RB1: variants seen among roughly 807,000 people sequenced by gnomAD.
The protein encoded by RB1 is RB transcriptional corepressor 1, also known as retinoblastoma-associated protein.
Under a neutral mutation model 135.4 loss-of-function variants are expected in RB1, and 18 were observed. The observed-to-expected ratio is 0.13, with a 90% confidence interval of 0.09 to 0.20. RB1 has a LOEUF of 0.20. RB1 is among the 10% of genes least tolerant of loss of function. RB1 has a pLI of 1.00. For missense variants in RB1, 868 were observed against 1,110.0 expected (o/e 0.78, Z 3.10); for synonymous variants, 365 against 373.2 (o/e 0.98, Z 0.25).
At chr13:48,443,336 A>G (rs542218782) in intron 17 of RB1, among the ~76,000 whole-genome samples, 3 of 152,048 alleles carry the variant, frequency 2.0e-5, no homozygotes, top group Non-Finnish European at 4.4e-5. Context: ...ATTTAATTCT[A>G]GGAAGCTTCT....
intron 26 of RB1, among the ~76,000 whole-genome samples, chr13:48,477,613 A>G (rs1237295703): frequency 6.6e-6 from 1 of 152,178 alleles, no homozygotes; most frequent in African/African-American, 2.4e-5. Flanking sequence ...CCTTTCTATG[A>G]TCTTTCATGC....
rs542783532 is a variant in RB1, at chr13:48,453,061, T to A, written c.1764T>A (p.Ser588=). 5.5e-5 allele frequency: 88 copies of A among 1,613,316 alleles called. 1 individual carries two copies. The South Asian group carries it at 9.2e-4, about 17-fold the overall frequency. The change falls in exon 18 of 27, where the codon TCT becomes TCA. Residue 588 remains serine (S), a synonymous_variant. Coordinates refer to ENST00000267163, the MANE Select transcript of RB1 (RefSeq NM_000321.3). Reference sequence around the variant, plus strand: ...AAGGACCAACTGATCACCTTGAATCTGCTTGTCCTCTTAATCTTCCTCTCC... The same window carrying A: ...AAGGACCAACTGATCACCTTGAATCAGCTTGTCCTCTTAATCTTCCTCTCC... ...DREGPTDHLE[S]ACPLNLPLQN...
At chr13:48,384,018 G>T (rs878889996) in intron 17 of RB1, among the ~76,000 whole-genome samples, 1 of 152,044 alleles carries the variant, frequency 6.6e-6, no homozygotes, top group Admixed American at 6.6e-5. Context: ...AATTGTGGAG[G>T]ATGTAATAGA....
chr13:48,318,456 T>G (rs893266581), intron 2 of RB1: 51 of 1,406,848 alleles, frequency 3.6e-5, no homozygotes, highest in Non-Finnish European at 4.5e-5. Context: ...GGAGCTCTCC[T>G]TCTCGTCCAG....
intron 4 of RB1, among the ~76,000 whole-genome samples, chr13:48,345,845 C>T (rs1036242073): frequency 2.0e-5 from 3 of 151,984 alleles, no homozygotes; most frequent in Non-Finnish European, 4.4e-5. Context: ...TGTGTAATAG[C>T]ATGGTAAAGG....
chr13:48,353,072 T>G (rs1952562021), intron 6 of RB1, among the ~76,000 whole-genome samples: 1 of 151,496 alleles, frequency 6.6e-6, no homozygotes, highest in Non-Finnish European at 1.5e-5. Context: ...TAAGAGCAAA[T>G]CAAACCCAAA....
intron 12 of RB1, 72 bp downstream of exon 12, chr13:48,373,564 TGA>T (rs1206324491): frequency 1.0e-6 from 1 of 976,398 alleles, no homozygotes; most frequent in African/African-American, 1.6e-5. Context: ...GTTAAAGTAC[TGA>T]GTTCTTTTTA....
At chr13:48,370,473 A>G (rs1030784406) in intron 11 of RB1, among the ~76,000 whole-genome samples, 1 of 152,220 alleles carries the variant, frequency 6.6e-6, no homozygotes, top group African/African-American at 2.4e-5. Context: ...TTCTGACCAA[A>G]GGGCTTCAAG....
chr13:48,473,489 A>G (rs1057049210), intron 24 of RB1, 99 bp downstream of exon 24: 3 of 1,007,466 alleles, frequency 3.0e-6, no homozygotes, highest in South Asian at 1.3e-5. Flanking sequence ...AGTTATTCAA[A>G]CACCTCATCC....
intron 17 of RB1, chr13:48,406,466 CTTG>C (rs1021355026): frequency 1.3e-5 from 2 of 152,062 alleles, no homozygotes; most frequent in Non-Finnish European, 2.9e-5. Flanking sequence ...AAATATAGTT[CTTG>C]TTGTGATTAT....
At chr13:48,422,184 G>T (rs558806547) in intron 17 of RB1, among the ~76,000 whole-genome samples, 2 of 152,316 alleles carry the variant, frequency 1.3e-5, no homozygotes, top group African/African-American at 4.8e-5. Flanking sequence ...ATACTATGCA[G>T]CCATGAACAA....
intron 17 of RB1, chr13:48,412,512 A>G: frequency 1.2e-6 from 1 of 842,554 alleles, no homozygotes; most frequent in Non-Finnish European, 2.1e-6. Context: ...TATAACCTCC[A>G]ATTTATTTGC....
chr13:48,463,535 G>C (rs899215762), intron 20 of RB1, among the ~76,000 whole-genome samples, 196 bp from the exon 21 acceptor site: 1 of 152,172 alleles, frequency 6.6e-6, no homozygotes. Flanking sequence ...GAGCCTTGGT[G>C]ATTTGCATTT....
At chr13:48,439,514 CACA>C (rs1391297672) in intron 17 of RB1, 2 of 152,118 alleles carry the variant, frequency 1.3e-5, no homozygotes, top group Admixed American at 6.6e-5. Context: ...CACCAGTCCA[CACA>C]ACATTTTTGC....
At chr13:48,476,550 A>AAT (rs1949504960) in intron 24 of RB1, 151 bp from the exon 25 acceptor site, 1 of 745,102 alleles carries the variant, frequency 1.3e-6, no homozygotes, top group Non-Finnish European at 2.2e-6. Flanking sequence ...TAGATTTTTC[A>AAT]TATCTTTTAT....
chr13:48,361,267 C>T (rs1380346242), intron 7 of RB1, among the ~76,000 whole-genome samples: 1 of 152,170 alleles, frequency 6.6e-6, no homozygotes, highest in Middle Eastern at 3.4e-3. Context: ...TGTGAATTCT[C>T]TAAGTGCTCT....
At chr13:48,357,044 C>A (rs1171391161) in intron 6 of RB1, among the ~76,000 whole-genome samples, 1 of 151,446 alleles carries the variant, frequency 6.6e-6, no homozygotes. Flanking sequence ...AGGTTTAATA[C>A]CTTAAACAGG....
At position 48,463,883 on chromosome 13, in the gene RB1, A is replaced by G. The variant is rs780691447; in HGVS notation, c.2211+48A>G. The G allele has an allele frequency of 8.2e-6, 9 of 1,091,804 alleles. No individual in the cohort carries two copies. In the African/African-American group the frequency reaches 1.1e-4, roughly 13 times the overall value. 67.6% of individuals were successfully genotyped at this position (1,091,804 alleles called of 1,614,324 possible). On this transcript the variant is annotated intron_variant, in intron 21 of 26. Coordinates refer to ENST00000267163, the MANE Select transcript of RB1 (RefSeq NM_000321.3). Reference sequence around the variant, plus strand: ...TTTTTTTGATAAATCCATATCCATAACATAACATAGGTAATTCATTTGATC... The same window carrying G: ...TTTTTTTGATAAATCCATATCCATAGCATAACATAGGTAATTCATTTGATC...
intron 2 of RB1, among the ~76,000 whole-genome samples, chr13:48,340,209 G>A (rs1486934817): frequency 1.3e-5 from 2 of 152,088 alleles, no homozygotes; most frequent in African/African-American, 4.8e-5. Context: ...GTCTTAATGA[G>A]CTTGGGTTAG....
Sources: gnomAD v4.1 joint callset for allele counts (sites outside exome capture counted in the v4.1 genomes callset) on GRCh38, gnomAD v4.1.1 for gene constraint, MANE v1.5 for transcripts, NCBI Gene and HGNC (gene_info 2026-07-23, HGNC 2026-07-21) for gene names.